The following LIN7A variants were observed in gnomAD, a reference collection of about 807,000 sequenced individuals.
The protein encoded by LIN7A is protein lin-7 homolog A.
A neutral mutation model predicts 29.8 loss-of-function variants in LIN7A; 25 were observed. The ratio of observed to expected loss-of-function variants is 0.84; its 90% CI spans 0.61 to 1.17. The LOEUF is 1.17. Ranked by LOEUF, LIN7A falls within the 50% of genes most tolerant of loss-of-function variation. The pLI is 0.00. For synonymous variants in LIN7A, 118 were observed against 107.5 expected (o/e 1.10, Z -0.60); for missense variants, 239 against 287.0 (o/e 0.83, Z 1.21).
At chr12:80,915,105 G>A (rs775457305) in intron 1 of LIN7A, among the ~76,000 whole-genome samples, 1 of 150,092 alleles carries the variant, frequency 6.7e-6, no homozygotes, top group Non-Finnish European at 1.5e-5. Context: ...CTATATATCT[G>A]GCAAAGGTCT....
chr12:80,925,671 T>C (rs1256161952), intron 1 of LIN7A, among the ~76,000 whole-genome samples: 1 of 152,150 alleles, frequency 6.6e-6, no homozygotes, highest in Non-Finnish European at 1.5e-5. Flanking sequence ...AGCTATTAAG[T>C]AGAAAAGCCG....
rs118094115 is a variant in LIN7A, at chr12:80,922,804, A to G, written c.82+14837T>C. ...ATTGTGCTTTGCTCTGAGTAGCACA[A>G]TGAAACCCCTTGCCTTCCATCTCTG... On this transcript the variant is annotated intron_variant, in intron 1 of 5. Coordinates refer to ENST00000552864, the MANE Select transcript of LIN7A (RefSeq NM_004664.4). 8.5e-3 allele frequency among the ~76,000 whole-genome samples: 1,295 copies of G among 152,312 alleles called. 10 individuals are homozygous for G. The highest frequency in any genetic ancestry group is 0.019 in the South Asian group (93 of 4,826).
chr12:80,892,924 C>T (rs907726771), intron 1 of LIN7A, among the ~76,000 whole-genome samples: 1 of 152,110 alleles, frequency 6.6e-6, no homozygotes, highest in Non-Finnish European at 1.5e-5. Flanking sequence ...TGGTTCTAAA[C>T]ACGAATGTGT....
In LIN7A at chr12:80,811,444, A is replaced by G. The variant is rs748409203; in HGVS notation, c.*21T>C. On this transcript the variant is annotated intron_variant, in intron 5 of 5. Transcript: ENST00000552864. ...GTATATATATATATATACTCCTTGT[A>G]TAGAATAAGTCACTTCTCACCTATG... 7.0e-6 allele frequency: 6 copies of G among 853,190 alleles called. No individual in the cohort carries two copies. The South Asian group carries it at 8.5e-5, about 12-fold the overall frequency. The allele number at this position is 853,190 out of a possible 1,614,324, so 52.9% of individuals were successfully genotyped here.
intron 5 of LIN7A, among the ~76,000 whole-genome samples, chr12:80,801,515 A>T (rs549107699): frequency 2.0e-5 from 3 of 152,346 alleles, no homozygotes; most frequent in African/African-American, 7.2e-5. Flanking sequence ...TGTATATTCA[A>T]TTGGCAAATA....
intron 1 of LIN7A, among the ~76,000 whole-genome samples, chr12:80,915,624 G>A (rs537485069): frequency 2.0e-5 from 3 of 152,138 alleles, no homozygotes; most frequent in South Asian, 4.1e-4. Flanking sequence ...AATCAACCTA[G>A]TTGTCCATCG....
intron 5 of LIN7A, among the ~76,000 whole-genome samples, chr12:80,809,854 C>A (rs1024160866): frequency 2.8e-4 from 42 of 152,114 alleles, no homozygotes; most frequent in Admixed American, 2.4e-3. Context: ...TTCTACTTTA[C>A]AACTTTTTCA....
At chr12:80,836,744 C>T (rs943193329) in intron 4 of LIN7A, among the ~76,000 whole-genome samples, 23 of 152,128 alleles carry the variant, frequency 1.5e-4, no homozygotes, top group African/African-American at 5.5e-4. Flanking sequence ...CTTCTTTCCC[C>T]TCTGTAACAC....
intron 1 of LIN7A, among the ~76,000 whole-genome samples, chr12:80,902,643 T>A (rs1876283609): frequency 6.6e-6 from 1 of 152,026 alleles, no homozygotes; most frequent in Admixed American, 6.6e-5. Flanking sequence ...GGATTGTGTT[T>A]TTGATTTCAC....
At chr12:80,866,100 GATATA>G (rs1235789603) in intron 2 of LIN7A, among the ~76,000 whole-genome samples, 1 of 152,120 alleles carries the variant, frequency 6.6e-6, no homozygotes, top group Non-Finnish European at 1.5e-5. Context: ...CTTGAAATTA[GATATA>G]ATAGAATCTA....
At chr12:80,841,822 T>G in intron 4 of LIN7A, 1 of 907,186 alleles carries the variant, frequency 1.1e-6, no homozygotes, top group Non-Finnish European at 1.3e-6. Flanking sequence ...AGAAAACACT[T>G]GAGCATAAAA....
chr12:80,804,449 C>T (rs1164426594), intron 5 of LIN7A, among the ~76,000 whole-genome samples: 8 of 152,036 alleles, frequency 5.3e-5, no homozygotes, highest in African/African-American at 1.9e-4. Flanking sequence ...TTTTAGTTCC[C>T]ACAAATAAGT....
intron 1 of LIN7A, among the ~76,000 whole-genome samples, chr12:80,897,886 C>G (rs555553976): frequency 6.6e-6 from 1 of 152,142 alleles, no homozygotes; most frequent in Admixed American, 6.5e-5. Flanking sequence ...TTTGCAAAAT[C>G]AAAATATTGC....
At chr12:80,826,262 C>T (rs1872073150) in intron 4 of LIN7A, among the ~76,000 whole-genome samples, 1 of 152,150 alleles carries the variant, frequency 6.6e-6, no homozygotes, top group Non-Finnish European at 1.5e-5. Flanking sequence ...ATTTTAAATG[C>T]TCTAACTGGC....
intron 4 of LIN7A, among the ~76,000 whole-genome samples, chr12:80,833,061 T>C (rs1177484991): frequency 6.6e-6 from 1 of 152,198 alleles, no homozygotes; most frequent in Admixed American, 6.5e-5. Context: ...GTGAAAAGTT[T>C]ACATAATATA....
At chr12:80,885,766 C>T (rs1353294888) in intron 2 of LIN7A, among the ~76,000 whole-genome samples, 3 of 151,908 alleles carry the variant, frequency 2.0e-5, no homozygotes, top group African/African-American at 7.3e-5. Flanking sequence ...CTTTTAAGGC[C>T]ATCTATTTCT....
chr12:80,871,279 A>G (rs1874415135), intron 2 of LIN7A, among the ~76,000 whole-genome samples: 1 of 152,194 alleles, frequency 6.6e-6, no homozygotes, highest in Non-Finnish European at 1.5e-5. Context: ...GGTAATAGGA[A>G]ATGTCCCTTG....
intron 1 of LIN7A, among the ~76,000 whole-genome samples, chr12:80,928,286 G>A (rs555235343): frequency 1.3e-5 from 2 of 152,228 alleles, no homozygotes; most frequent in African/African-American, 4.8e-5. Context: ...TCGCCACACT[G>A]TCTTCCACAA....
chr12:80,852,500 A>G (rs1873382676), intron 2 of LIN7A, among the ~76,000 whole-genome samples: 1 of 152,174 alleles, frequency 6.6e-6, no homozygotes, highest in South Asian at 2.1e-4. Flanking sequence ...CAAAGAGGCA[A>G]TCAAAGAAGA....
Sources: allele counts gnomAD v4.1 joint callset (sites outside exome capture counted in the v4.1 genomes callset), GRCh38; gene constraint gnomAD v4.1.1; transcripts MANE v1.5; gene names NCBI Gene and HGNC (gene_info 2026-07-23, HGNC 2026-07-21).